Variants in PCMT1 observed in about 807,000 individuals in gnomAD.
PCMT1 encodes protein-L-isoaspartate(D-aspartate) O-methyltransferase.
A neutral mutation model predicts 29.2 loss-of-function variants in PCMT1; 9 were observed. The ratio of observed to expected loss-of-function variants is 0.31; its 90% confidence interval spans 0.19 to 0.54. The LOEUF is 0.54. Among genes scored for constraint, PCMT1 ranks in the 20% least tolerant of loss-of-function variants. The pLI is 0.95. For missense variants in PCMT1, 184 were observed against 282.2 expected, an observed-to-expected ratio of 0.65 and a Z score of 2.49; for synonymous variants, 98 against 97.5, an observed-to-expected ratio of 1.00 and a Z score of -0.03.
intron 1 of PCMT1, among the ~76,000 whole-genome samples, chr6:149,769,115 G>T (rs12210087): frequency 1.3e-5 from 2 of 151,852 alleles, no homozygotes; most frequent in Non-Finnish European, 2.9e-5. Flanking sequence ...TTTGCATTTA[G>T]TTTTCTTTTT....
At chr6:149,810,528 G>T in intron 7 of PCMT1, 88 bp from the exon 8 acceptor site, 2 of 913,954 alleles carry the variant, frequency 2.2e-6, no homozygotes, top group South Asian at 3.1e-5. Flanking sequence ...CATTTTTATT[G>T]ACTTAATAGT....
rs1166088302 is a variant in PCMT1, at chr6:149,763,079, T to G, written c.56-8083T>G. On this transcript the variant is annotated intron_variant, in intron 1 of 7. Transcript: ENST00000464889. ...CTATGATATATATATCTATGATATG[T>G]ATATCTATGATATATATGATATATA... Among the ~76,000 whole-genome samples, 3 of 65,406 alleles carry G rather than the reference T, an allele frequency of 4.6e-5. 1 individual carries two copies. The highest frequency in any genetic ancestry group is 4.2e-4 in the African/African-American group (3 of 7,142). The allele number at this position is 65,406 out of a possible 152,430, so 42.9% of individuals were successfully genotyped here. A position where few individuals can be genotyped will look rare whatever the true frequency, so the allele number is the denominator to read the frequency against.
intron 6 of PCMT1, 62 bp from the exon 7 acceptor site, chr6:149,802,138 T>TA (rs1554256792): frequency 9.5e-5 from 118 of 1,235,880 alleles, no homozygotes; most frequent in South Asian, 8.5e-4. Context: ...CAAAAATAAA[T>TA]AAATAAAATA....
chr6:149,756,283 T>TTGCTAA (rs1554250801), intron 1 of PCMT1, among the ~76,000 whole-genome samples: 1 of 151,322 alleles, frequency 6.6e-6, no homozygotes, highest in African/African-American at 2.4e-5. Flanking sequence ...ATGAAATTAT[T>TTGCTAA]TTCTATCTAC....
chr6:149,782,735 T>C (rs1787864072), intron 3 of PCMT1, among the ~76,000 whole-genome samples: 1 of 151,458 alleles, frequency 6.6e-6, no homozygotes, highest in Non-Finnish European at 1.5e-5. Flanking sequence ...AAAACAAAAA[T>C]TTGTGAGTCT....
chr6:149,789,725 A>G (rs1487665439), intron 3 of PCMT1, among the ~76,000 whole-genome samples: 2 of 145,274 alleles, frequency 1.4e-5, no homozygotes, highest in African/African-American at 5.3e-5. Context: ...ATTAATTAAA[A>G]GTTAAAAATT....
chr6:149,774,216 A>G (rs1005088309), intron 3 of PCMT1, among the ~76,000 whole-genome samples: 14 of 151,488 alleles, frequency 9.2e-5, no homozygotes, highest in African/African-American at 2.9e-4. Context: ...TGTAGGAAAG[A>G]ACAATAGCTT....
chr6:149,781,473 C>T (rs1372336273), intron 3 of PCMT1, among the ~76,000 whole-genome samples: 18 of 152,156 alleles, frequency 1.2e-4, no homozygotes, highest in African/African-American at 4.3e-4. Context: ...GATCCGCCCA[C>T]CTCAGCCTCC....
At chr6:149,807,410 C>T (rs1290156237) in intron 7 of PCMT1, among the ~76,000 whole-genome samples, 2 of 151,984 alleles carry the variant, frequency 1.3e-5, no homozygotes, top group Non-Finnish European at 2.9e-5. Flanking sequence ...CTTGCTCTGT[C>T]ACCCAGGCTG....
chr6:149,755,130 G>A (rs1238463717), intron 1 of PCMT1, among the ~76,000 whole-genome samples: 4 of 152,186 alleles, frequency 2.6e-5, no homozygotes, highest in Non-Finnish European at 5.9e-5. Flanking sequence ...GGAAGGCCGA[G>A]TGCGGTGGCT....
At chr6:149,785,451 G>A (rs539094426) in intron 3 of PCMT1, among the ~76,000 whole-genome samples, 26 of 144,940 alleles carry the variant, frequency 1.8e-4, no homozygotes, top group African/African-American at 4.4e-4. Flanking sequence ...GGTGTTTCTC[G>A]CAGAGGGGGA....
intron 3 of PCMT1, among the ~76,000 whole-genome samples, chr6:149,786,319 GA>G (rs1339967178): frequency 2.0e-5 from 1 of 49,488 alleles, no homozygotes; most frequent in Non-Finnish European, 3.3e-5. Flanking sequence ...GGCGGGGGCT[GA>G]CCCCCCCACC....
intron 1 of PCMT1, among the ~76,000 whole-genome samples, chr6:149,764,847 C>A (rs905156509): frequency 6.6e-6 from 1 of 151,752 alleles, no homozygotes; most frequent in African/African-American, 2.4e-5. Flanking sequence ...CGAGACCATC[C>A]TGGCTAACAC....
chr6:149,765,085 T>C (rs1449018988), intron 1 of PCMT1, among the ~76,000 whole-genome samples: 1 of 145,628 alleles, frequency 6.9e-6, no homozygotes, highest in Non-Finnish European at 1.5e-5. Flanking sequence ...TGCGGCCAGG[T>C]GCGGTGGCTC....
chr6:149,774,472 C>G (rs1199000882), intron 3 of PCMT1, among the ~76,000 whole-genome samples: 1 of 149,960 alleles, frequency 6.7e-6, no homozygotes, highest in African/African-American at 2.4e-5. Flanking sequence ...AACTCCTGAC[C>G]TTGTGATCCA....
At chr6:149,805,944 A>G (rs1368203184) in intron 7 of PCMT1, among the ~76,000 whole-genome samples, 1 of 136,510 alleles carries the variant, frequency 7.3e-6, no homozygotes, top group African/African-American at 3.4e-5. Context: ...TGTCTCAAAA[A>G]AAAAAAAAAA....
chr6:149,784,571 C>T (rs1787947886), intron 3 of PCMT1, among the ~76,000 whole-genome samples: 1 of 151,608 alleles, frequency 6.6e-6, no homozygotes, highest in Non-Finnish European at 1.5e-5. Flanking sequence ...CTCAAATCAT[C>T]CTCTCACCTC....
chr6:149,805,651 A>C (rs564350844), intron 7 of PCMT1, among the ~76,000 whole-genome samples: 1 of 132,658 alleles, frequency 7.5e-6, no homozygotes, highest in Non-Finnish European at 1.6e-5. Flanking sequence ...AATTGAACAA[A>C]TTTAGGCTGG....
intron 1 of PCMT1, among the ~76,000 whole-genome samples, chr6:149,757,456 A>G (rs1352113899): frequency 1.3e-5 from 2 of 152,302 alleles, no homozygotes; most frequent in Non-Finnish European, 1.5e-5. Flanking sequence ...GGCAGTGTAA[A>G]ACTAAAGATT....
Sources: gnomAD v4.1 joint callset for allele counts (sites outside exome capture counted in the v4.1 genomes callset) on GRCh38, gnomAD v4.1.1 for gene constraint, MANE v1.5 for transcripts, NCBI Gene and HGNC (gene_info 2026-07-23, HGNC 2026-07-21) for gene names.